Variants in ADAM29 observed in about 807,000 individuals in gnomAD.
ADAM29 encodes the protein ADAM metallopeptidase domain 29.
For missense variants in ADAM29, 969 were observed against 1,001.8 expected, an observed-to-expected ratio of 0.97 and a Z score of 0.44; for synonymous variants, 367 against 342.3, an observed-to-expected ratio of 1.07 and a Z score of -0.80.
intron 4 of ADAM29, among the ~76,000 whole-genome samples, chr4:174,948,828 A>G (rs1745000920): frequency 6.6e-6 from 1 of 152,052 alleles, no homozygotes; most frequent in Non-Finnish European, 1.5e-5. Flanking sequence ...AGCAGTGGTG[A>G]TGGCACTGTG....
chr4:174,962,746 TAC>T (rs936934968), intron 4 of ADAM29, among the ~76,000 whole-genome samples: 2 of 151,980 alleles, frequency 1.3e-5, no homozygotes, highest in East Asian at 1.9e-4. Flanking sequence ...AGTAAATACA[TAC>T]AGTTTTATAT....
At chr4:174,955,003 T>A (rs1000917647) in intron 4 of ADAM29, among the ~76,000 whole-genome samples, 27 of 152,228 alleles carry the variant, frequency 1.8e-4, no homozygotes, top group African/African-American at 6.5e-4. Flanking sequence ...TTTAGATTTA[T>A]ATCATAAAGA....
intron 4 of ADAM29, among the ~76,000 whole-genome samples, chr4:174,946,424 G>T (rs2110996588): frequency 6.6e-6 from 1 of 152,098 alleles, no homozygotes; most frequent in South Asian, 2.1e-4. Flanking sequence ...TGTAGTTATA[G>T]AATTATATTG....
intron 4 of ADAM29, among the ~76,000 whole-genome samples, chr4:174,938,538 T>C (rs1323529170): frequency 1.3e-5 from 2 of 152,164 alleles, no homozygotes; most frequent in African/African-American, 4.8e-5. Context: ...TTTTAAATAT[T>C]CAGACTTTGC....
chr4:174,924,465 A>G (rs1197244864), intron 2 of ADAM29, among the ~76,000 whole-genome samples: 2 of 152,230 alleles, frequency 1.3e-5, no homozygotes, highest in Non-Finnish European at 2.9e-5. Context: ...TTGAATATTA[A>G]TGCAACTGAC....
chr4:174,948,439 G>C (rs1030793211), intron 4 of ADAM29, among the ~76,000 whole-genome samples: 1 of 152,150 alleles, frequency 6.6e-6, no homozygotes, highest in Non-Finnish European at 1.5e-5. Flanking sequence ...CCAAAGCTCA[G>C]CTCGGCACTC....
At chr4:174,969,044 C>T (rs909840559) in intron 4 of ADAM29, among the ~76,000 whole-genome samples, 1 of 151,928 alleles carries the variant, frequency 6.6e-6, no homozygotes, top group Non-Finnish European at 1.5e-5. Context: ...CTAGAAAATT[C>T]AACGTTCACA....
chr4:174,968,771 CCACACACACACACACACA>C (rs36211576), intron 4 of ADAM29, among the ~76,000 whole-genome samples: 1 of 148,686 alleles, frequency 6.7e-6, no homozygotes, highest in Non-Finnish European at 1.5e-5. Context: ...CACTTTCCGC[CCACACACACACACACACA>C]CACACACACA....
At chr4:174,938,235 G>A (rs750212385) in intron 4 of ADAM29, among the ~76,000 whole-genome samples, 2 of 152,006 alleles carry the variant, frequency 1.3e-5, no homozygotes, top group South Asian at 4.2e-4. Context: ...TTGGGGCGGG[G>A]CAAGAAGTCT....
chr4:174,961,226 A>G (rs72996947), intron 4 of ADAM29, among the ~76,000 whole-genome samples: 7,991 of 151,898 alleles, frequency 0.053, 251 homozygotes, highest in African/African-American at 0.083. Context: ...TTGCTAGAAA[A>G]TATCCCTTTT....
chr4:174,967,455 G>A (rs868742842), intron 4 of ADAM29, among the ~76,000 whole-genome samples: 5 of 152,038 alleles, frequency 3.3e-5, no homozygotes, highest in African/African-American at 1.2e-4. Flanking sequence ...TCCAAAATTT[G>A]TTAAGTTGCT....
At chr4:174,930,843 C>A (rs1743820769) in intron 2 of ADAM29, 143 bp from the exon 3 acceptor site, 1 of 152,084 alleles carries the variant, frequency 6.6e-6, no homozygotes, top group Non-Finnish European at 1.5e-5. Flanking sequence ...TTTCCATGTA[C>A]TTCAGAAAGC....
chr4:174,936,829 G>C (rs1035343673), intron 3 of ADAM29, 104 bp from the exon 4 acceptor site: 1 of 151,864 alleles, frequency 6.6e-6, no homozygotes, highest in Non-Finnish European at 1.5e-5. Context: ...GATTTGGAGA[G>C]TGATCTCGTT....
chr4:174,972,898 G>T (rs541572338), intron 4 of ADAM29, among the ~76,000 whole-genome samples: 127 of 152,148 alleles, frequency 8.3e-4, no homozygotes, highest in African/African-American at 3.0e-3. Context: ...CTGAGAAGTA[G>T]GGAAGATCTA....
In ADAM29 at chr4:174,977,633, C is replaced by T. The variant is rs1746934053; in HGVS notation, c.2108C>T (p.Pro703Leu). 3 of 1,613,768 alleles carry T rather than the reference C, an allele frequency of 1.9e-6. No homozygotes were observed. Among genetic ancestry groups the T allele is most frequent in the South Asian group, 2.2e-5 (2 of 91,060 alleles). The change falls in exon 5 of 5, where the codon CCA becomes CTA. Residue 703 changes from proline to leucine, a missense_variant. By Grantham distance (98) the Pro-to-Leu change is moderately conservative. Coordinates refer to ENST00000359240, the MANE Select transcript of ADAM29 (RefSeq NM_014269.4). ...CLYRLCKKSK[P>L]IKKQQDVQTP... is the part of the protein sequence containing the mutation. ...TATCGACTTTGTAAAAAAAGTAAAC[C>T]AATAAAAAAGCAGCAAGATGTTCAA...
intron 4 of ADAM29, among the ~76,000 whole-genome samples, chr4:174,973,459 T>C (rs1327225495): frequency 6.6e-6 from 1 of 152,224 alleles, no homozygotes. Flanking sequence ...CTTCAGAATT[T>C]CTTACAAAGA....
intron 4 of ADAM29, among the ~76,000 whole-genome samples, chr4:174,970,032 C>T (rs1456720102): frequency 1.3e-5 from 2 of 151,802 alleles, no homozygotes. Context: ...TGTTAAGTGA[C>T]ACCATGTTTA....
At chr4:174,959,683 T>G (rs1417184553) in intron 4 of ADAM29, among the ~76,000 whole-genome samples, 2 of 151,906 alleles carry the variant, frequency 1.3e-5, no homozygotes, top group Non-Finnish European at 2.9e-5. Flanking sequence ...TTTTAAAATC[T>G]TTTTTCTTCT....
chr4:174,972,318 A>G (rs904766307), intron 4 of ADAM29, among the ~76,000 whole-genome samples: 3 of 152,156 alleles, frequency 2.0e-5, no homozygotes, highest in African/African-American at 7.2e-5. Context: ...CTAGCCTTGT[A>G]TAGGAGGAAA....
Sources: gnomAD v4.1 joint callset for allele counts (sites outside exome capture counted in the v4.1 genomes callset) on GRCh38, gnomAD v4.1.1 for gene constraint, MANE v1.5 for transcripts, NCBI Gene and HGNC (gene_info 2026-07-23, HGNC 2026-07-21) for gene names.